Variants in ME3 observed in about 807,000 individuals in gnomAD.
ME3 encodes NADP-dependent malic enzyme, mitochondrial.
In ME3, 48 loss-of-function variants were observed where a neutral mutation model predicts 68.9. The observed-to-expected ratio is 0.70, with a 90% CI of 0.55 to 0.89. The LOEUF is 0.89. ME3 is among the 40% of genes least tolerant of loss of function. ME3 has a pLI of 0.00. For synonymous variants in ME3, 320 were observed against 318.8 expected (o/e 1.00, Z -0.04); for missense variants, 675 against 797.4 (o/e 0.85, Z 1.85).
chr11:86,602,307 A>G (rs1413690211), intron 2 of ME3, among the ~76,000 whole-genome samples: 2 of 147,644 alleles, frequency 1.4e-5, no homozygotes, highest in African/African-American at 4.9e-5. Context: ...TTATACACCA[A>G]TAACAGACAA....
chr11:86,573,857 T>C (rs1052662867), intron 2 of ME3, among the ~76,000 whole-genome samples: 1 of 152,218 alleles, frequency 6.6e-6, no homozygotes. Context: ...TTGAATTTTA[T>C]TGAAGGCCTT....
At chr11:86,658,320 A>T (rs1211485959) in intron 2 of ME3, among the ~76,000 whole-genome samples, 1 of 151,826 alleles carries the variant, frequency 6.6e-6, no homozygotes, top group East Asian at 1.9e-4. Flanking sequence ...ATGGGGTTTC[A>T]TCATGTTGTC....
intron 4 of ME3, among the ~76,000 whole-genome samples, chr11:86,513,490 G>A (rs1953682408): frequency 1.3e-5 from 2 of 152,248 alleles, no homozygotes; most frequent in South Asian, 2.1e-4. Context: ...ACTTGTCCAA[G>A]GTCACACAGC....
At chr11:86,520,924 A>G (rs1486583198) in intron 4 of ME3, among the ~76,000 whole-genome samples, 2 of 152,226 alleles carry the variant, frequency 1.3e-5, no homozygotes, top group Non-Finnish European at 2.9e-5. Flanking sequence ...AAGAAGGTAG[A>G]ACAGATAACT....
chr11:86,445,392 G>A (rs900510144), intron 13 of ME3, among the ~76,000 whole-genome samples: 1 of 152,224 alleles, frequency 6.6e-6, no homozygotes, highest in Non-Finnish European at 1.5e-5. Context: ...ACTCACAGAA[G>A]TGGATCCAGA....
At chr11:86,661,030 G>A (rs552551667) in intron 2 of ME3, among the ~76,000 whole-genome samples, 2 of 152,128 alleles carry the variant, frequency 1.3e-5, no homozygotes, top group Non-Finnish European at 2.9e-5. Flanking sequence ...ACATCAAGGA[G>A]AAGGGAATGT....
chr11:86,525,295 C>G (rs12795419), intron 4 of ME3, among the ~76,000 whole-genome samples: 1 of 152,000 alleles, frequency 6.6e-6, no homozygotes, highest in South Asian at 2.1e-4. Context: ...ATTCAAATAC[C>G]TAATTCTTTG....
intron 2 of ME3, among the ~76,000 whole-genome samples, chr11:86,561,727 T>C (rs942917831): frequency 1.3e-5 from 2 of 152,210 alleles, no homozygotes; most frequent in African/African-American, 4.8e-5. Context: ...GAAACAACTT[T>C]ATAAATTAGA....
At chr11:86,593,344 C>T (rs1437241142) in intron 2 of ME3, among the ~76,000 whole-genome samples, 1 of 146,716 alleles carries the variant, frequency 6.8e-6, no homozygotes, top group African/African-American at 2.5e-5. Flanking sequence ...TCTCATGATG[C>T]TTTGAATACT....
At chr11:86,500,703 T>A (rs1000985450) in intron 5 of ME3, among the ~76,000 whole-genome samples, 2 of 152,218 alleles carry the variant, frequency 1.3e-5, no homozygotes, top group Admixed American at 1.3e-4. Flanking sequence ...AATTGCCTTC[T>A]CTGGCTGTGC....
At position 86,450,376 on chromosome 11, in the gene ME3, T is replaced by G. The variant is rs762251978; in HGVS notation, c.942A>C (p.Ala314=). The change falls in exon 9 of 15, where the codon GCA becomes GCC. Residue 314 remains alanine, a synonymous_variant. Coordinates refer to ENST00000543262, the Ensembl canonical transcript of ME3. The stretch of plus-strand genomic sequence containing the variant: ...TGATTCGCAGAGCAGCCAAGATCCC[T>G]GCCACAGCAACGGAGGCTGTGCCTG... 3.1e-6 allele frequency: 5 copies of G among 1,614,018 alleles called. No individual in the cohort carries two copies. The African/African-American group carries it at 6.7e-5, about 22-fold the overall frequency.
intron 2 of ME3, among the ~76,000 whole-genome samples, chr11:86,666,236 A>G (rs954092222): frequency 6.6e-6 from 1 of 152,192 alleles, no homozygotes; most frequent in African/African-American, 2.4e-5. Flanking sequence ...TGATATTTAT[A>G]ACTTCCAAGT....
chr11:86,581,853 C>G (rs1383456876), intron 2 of ME3, among the ~76,000 whole-genome samples: 1 of 152,188 alleles, frequency 6.6e-6, no homozygotes, highest in African/African-American at 2.4e-5. Context: ...GATTTTCTAT[C>G]TCCTGAATAG....
At chr11:86,672,255 C>A in intron 1 of ME3, 69 bp downstream of exon 1, 1 of 321,672 alleles carries the variant, frequency 3.1e-6, no homozygotes, top group Non-Finnish European at 5.6e-6. Flanking sequence ...GGCGACTGCG[C>A]GGCGAGGGGT....
intron 2 of ME3, among the ~76,000 whole-genome samples, chr11:86,607,847 A>G (rs1961954316): frequency 6.6e-6 from 1 of 151,930 alleles, no homozygotes; most frequent in African/African-American, 2.4e-5. Flanking sequence ...GACATGATAG[A>G]CCTTCAGATA....
chr11:86,450,889 T>C (rs541802823), intron 8 of ME3, among the ~76,000 whole-genome samples: 1 of 152,330 alleles, frequency 6.6e-6, no homozygotes, highest in South Asian at 2.1e-4. Flanking sequence ...GGCTTGAGTA[T>C]GTCTGGAAGG....
chr11:86,639,672 T>A (rs1473986661), intron 2 of ME3, among the ~76,000 whole-genome samples: 1 of 152,164 alleles, frequency 6.6e-6, no homozygotes, highest in Non-Finnish European at 1.5e-5. Flanking sequence ...CTTGATGATA[T>A]CTGGAGCAGA....
intron 4 of ME3, among the ~76,000 whole-genome samples, chr11:86,529,087 C>A (rs992512820): frequency 4.6e-5 from 7 of 151,890 alleles, no homozygotes; most frequent in African/African-American, 1.7e-4. Context: ...TGGAAAAGAT[C>A]AACAAAATTG....
chr11:86,493,691 T>C (rs1331950800), intron 6 of ME3, among the ~76,000 whole-genome samples: 1 of 152,230 alleles, frequency 6.6e-6, no homozygotes, highest in Non-Finnish European at 1.5e-5. Flanking sequence ...CCCTTCTTCA[T>C]GGGATCATGG....
Sources: gnomAD v4.1 joint callset for allele counts (sites outside exome capture counted in the v4.1 genomes callset) on GRCh38, gnomAD v4.1.1 for gene constraint, MANE v1.5 for transcripts, NCBI Gene and HGNC (gene_info 2026-07-23, HGNC 2026-07-21) for gene names.